Variants in ARB2A observed in about 807,000 individuals in gnomAD.
ARB2A encodes cotranscriptional regulator ARB2A.
the ARB2A span, among the ~76,000 whole-genome samples, chr5:93,918,051 T>G: frequency 1.3e-5 from 2 of 152,350 alleles, no homozygotes; most frequent in African/African-American, 2.4e-5. Flanking sequence ...TTTTTGTTAA[T>G]GACTCTCAAT....
chr5:93,965,554 T>G, the ARB2A span, among the ~76,000 whole-genome samples: 15 of 152,112 alleles, frequency 9.9e-5, no homozygotes, highest in East Asian at 2.9e-3. Flanking sequence ...AAAATCAACA[T>G]ACTATTTCTG....
chr5:93,645,050 T>C, the ARB2A span, among the ~76,000 whole-genome samples: 5 of 152,168 alleles, frequency 3.3e-5, no homozygotes, highest in South Asian at 2.1e-4. Context: ...AGCCAATCAA[T>C]AGGTCATTTC....
At chr5:93,787,150 T>C in the ARB2A span, among the ~76,000 whole-genome samples, 1 of 152,196 alleles carries the variant, frequency 6.6e-6, no homozygotes, top group Non-Finnish European at 1.5e-5. Context: ...ACTTTGAGAT[T>C]CTCAAAGGAA....
chr5:93,828,508 A>C, the ARB2A span, among the ~76,000 whole-genome samples: 3 of 152,244 alleles, frequency 2.0e-5, no homozygotes, highest in African/African-American at 7.2e-5. Flanking sequence ...CGTCTCTCAA[A>C]TCCATCTACT....
the ARB2A span, among the ~76,000 whole-genome samples, chr5:94,042,781 A>G: frequency 1.3e-5 from 2 of 152,222 alleles, no homozygotes; most frequent in African/African-American, 2.4e-5. Flanking sequence ...ATGGTATAAA[A>G]GTCATACAGG....
chr5:94,110,165 G>A, the ARB2A span, among the ~76,000 whole-genome samples: 1 of 152,084 alleles, frequency 6.6e-6, no homozygotes, highest in Non-Finnish European at 1.5e-5. Flanking sequence ...GATTACAGGC[G>A]TGAGCCACCG....
At chr5:94,056,343 T>C in the ARB2A span, among the ~76,000 whole-genome samples, 2 of 152,298 alleles carry the variant, frequency 1.3e-5, no homozygotes, top group East Asian at 1.9e-4. Context: ...CTGATATAGA[T>C]TTTTTTATTT....
the ARB2A span, among the ~76,000 whole-genome samples, chr5:93,637,887 G>T: frequency 1.3e-5 from 2 of 152,120 alleles, no homozygotes; most frequent in East Asian, 1.9e-4. Flanking sequence ...TCGACCTTTG[G>T]ACTGTATTGC....
At chr5:93,717,735 C>T in the ARB2A span, among the ~76,000 whole-genome samples, 7 of 151,624 alleles carry the variant, frequency 4.6e-5, no homozygotes, top group East Asian at 1.2e-3. Flanking sequence ...ATTTATAAGA[C>T]GAATTTCACT....
chr5:93,989,109 C>T, the ARB2A span, among the ~76,000 whole-genome samples: 52 of 152,160 alleles, frequency 3.4e-4, no homozygotes, highest in African/African-American at 1.2e-3. Flanking sequence ...AAATTTTAAC[C>T]AGACACTCTT....
At chr5:94,030,182 G>C in the ARB2A span, among the ~76,000 whole-genome samples, 2 of 152,148 alleles carry the variant, frequency 1.3e-5, no homozygotes, top group African/African-American at 4.8e-5. Flanking sequence ...CATATCAATT[G>C]GTTGTCTATT....
the ARB2A span, among the ~76,000 whole-genome samples, chr5:93,632,522 G>T: frequency 6.6e-6 from 1 of 152,180 alleles, no homozygotes; most frequent in African/African-American, 2.4e-5. Context: ...ATACTGAAGG[G>T]TTTTATTCCA....
chr5:93,716,212 C>T, the ARB2A span, among the ~76,000 whole-genome samples: 6 of 152,026 alleles, frequency 3.9e-5, no homozygotes, highest in Admixed American at 6.6e-5. Flanking sequence ...GTATTAGCCA[C>T]GTATAAATCT....
chr5:93,865,870 T>G, the ARB2A span: 1 of 985,294 alleles, frequency 1.0e-6, no homozygotes, highest in Non-Finnish European at 1.2e-6. Context: ...AAATATGAGG[T>G]TAAAAGGTAG....
At chr5:93,646,583 C>A in the ARB2A span, among the ~76,000 whole-genome samples, 4 of 151,896 alleles carry the variant, frequency 2.6e-5, no homozygotes, top group South Asian at 8.3e-4. Context: ...CCATATTTCT[C>A]CTTACCTAGG....
chr5:93,762,064 T>C, the ARB2A span, among the ~76,000 whole-genome samples: 9 of 151,698 alleles, frequency 5.9e-5, no homozygotes, highest in Non-Finnish European at 8.8e-5. Context: ...ATCACCATCA[T>C]CAAAGACCAA....
chr5:94,109,907 CG>C, the ARB2A span, among the ~76,000 whole-genome samples: 1 of 123,848 alleles, frequency 8.1e-6, no homozygotes, highest in African/African-American at 3.1e-5. Context: ...TTTCTGGAGA[CG>C]GAGTCTCGAT....
At chr5:93,843,417 C>CTTTT in the ARB2A span, among the ~76,000 whole-genome samples, 4 of 120,608 alleles carry the variant, frequency 3.3e-5, no homozygotes, top group Admixed American at 8.6e-5. Context: ...AACAAGGATA[C>CTTTT]TTTTTTTTTT....
At chr5:94,000,041 C>A in the ARB2A span, among the ~76,000 whole-genome samples, 1 of 152,038 alleles carries the variant, frequency 6.6e-6, no homozygotes, top group Non-Finnish European at 1.5e-5. Flanking sequence ...TCTGGATGGA[C>A]TACAATTTAT....
Sources: allele counts gnomAD v4.1 joint callset (sites outside exome capture counted in the v4.1 genomes callset), GRCh38; gene constraint gnomAD v4.1.1; transcripts MANE v1.5; gene names NCBI Gene and HGNC (gene_info 2026-07-23, HGNC 2026-07-21).